The following SPOCD1 variants were observed in gnomAD, a reference collection of about 807,000 sequenced individuals.
The protein encoded by SPOCD1 is SPOC domain containing 1.
A neutral mutation model predicts 92.2 loss-of-function variants in SPOCD1; 64 were observed. The observed-to-expected ratio is 0.69, with a 90% confidence interval of 0.57 to 0.86. The LOEUF is 0.86. SPOCD1 is among the 40% of genes least tolerant of loss of function. The probability of loss-of-function intolerance (pLI) is 0.00; values close to 1 mark genes in which losing one functional copy is unlikely to be tolerated. For synonymous variants in SPOCD1, 578 were observed against 619.3 expected, an observed-to-expected ratio of 0.93 and a Z score of 0.99; for missense variants, 1,360 against 1,543.1, an observed-to-expected ratio of 0.88 and a Z score of 1.99.
intron 15 of SPOCD1, chr1:31,792,011 G>A (rs1489099653): frequency 3.2e-6 from 2 of 615,536 alleles, no homozygotes; most frequent in Non-Finnish European, 2.8e-6. Context: ...ATTCATCTAG[G>A]TAAAGCTTTT....
intron 2 of SPOCD1, among the ~76,000 whole-genome samples, chr1:31,811,245 C>T (rs903494595): frequency 3.3e-5 from 5 of 152,098 alleles, no homozygotes; most frequent in Admixed American, 1.3e-4. Flanking sequence ...GCCGACGCAG[C>T]GGATCACCTG....
At chr1:31,802,593 A>G (rs577151660) in intron 2 of SPOCD1, among the ~76,000 whole-genome samples, 3 of 152,232 alleles carry the variant, frequency 2.0e-5, no homozygotes, top group African/African-American at 4.8e-5. Flanking sequence ...CTGTTGCATA[A>G]GCCCATTTAT....
intron 6 of SPOCD1, 44 bp downstream of exon 6, chr1:31,799,765 A>G (rs1648304185): frequency 5.0e-6 from 8 of 1,607,128 alleles, no homozygotes; most frequent in Non-Finnish European, 6.0e-6. Flanking sequence ...CCCAGACCCC[A>G]GCAGTCTCTG....
In SPOCD1 at chr1:31,800,435, C is replaced by T. The variant is rs1648370597; in HGVS notation, c.1602+6G>A. ...GCAGGATTAAATGACATCACTTGTTCTGTACCTGGCACCCAGCAGGGCCCT... is the reference window on the plus strand; with the variant it reads ...GCAGGATTAAATGACATCACTTGTTTTGTACCTGGCACCCAGCAGGGCCCT... On this transcript the variant is annotated splice_donor_region_variant and intron_variant, in intron 4 of 15. Transcript: ENST00000360482. The T allele has an allele frequency of 1.3e-6, 2 of 1,566,518 alleles. No homozygotes were observed. Among genetic ancestry groups the T allele is most frequent in the Non-Finnish European group, 1.7e-6 (2 of 1,153,616 alleles).
Position 31,801,678 on chromosome 1 carries a change from T to A in SPOCD1, c.1411A>T (p.Lys471Ter). Residue 471 changes from lysine to a stop codon, truncating the protein, a stop_gained, in exon 3 of 16, where the codon AAG becomes TAG. Transcript: ENST00000360482. LOFTEE classifies it high-confidence loss of function. ...LEEVKIPHGV[K>*]LVCYLGSGPV... ...TAAAAACCTACGTAGCACACAAGCT[T>A]CACTCCATGGGGTATTTTCACTTCC... The A allele has an allele frequency of 6.2e-7, 1 of 1,613,892 alleles. No homozygotes were observed. The highest frequency in any genetic ancestry group is 2.2e-5 in the East Asian group (1 of 44,880).
In SPOCD1 at chr1:31,800,024, A is replaced by G; in HGVS notation, c.1720T>C (p.Cys574Arg). The G allele has an allele frequency of 6.2e-7, 1 of 1,612,216 alleles. No homozygotes were observed. Among genetic ancestry groups the G allele is most frequent in the South Asian group, 1.1e-5 (1 of 90,996 alleles). Reference sequence around the variant, plus strand: ...GGGGCAGAACAACTTGCCTGGGAACATGCAGGGTCCGAGCTGGGGTCGCCA... The same window carrying G: ...GGGGCAGAACAACTTGCCTGGGAACGTGCAGGGTCCGAGCTGGGGTCGCCA... The part of the protein sequence containing the change: ...ALGDPSSDPA[C>R]SQSGPMEAEE... Residue 574 changes from cysteine (C) to arginine (R), a missense_variant, in exon 5 of 16, where the codon TGT becomes CGT. By Grantham distance (180) the Cys-to-Arg change is radical (BLOSUM62 -3). This residue lies in a region of SPOCD1 where 606 missense variants were observed against 601.5 expected (regional missense o/e 1.01). Transcript: ENST00000360482.
Position 31,814,117 on chromosome 1 carries a change from C to T in SPOCD1, c.1217G>A (p.Ser406Asn). The T allele has an allele frequency of 6.2e-7, 1 of 1,609,380 alleles. No homozygotes were observed. Among genetic ancestry groups the T allele is most frequent in the Non-Finnish European group, 8.5e-7 (1 of 1,176,912 alleles). ...CATGAATGGGCCTGAGCAGGCCCTGCTGGCTTCAGTATCCAGGGAGGAGCT... is the reference window on the plus strand; with the variant it reads ...CATGAATGGGCCTGAGCAGGCCCTGTTGGCTTCAGTATCCAGGGAGGAGCT... Reference protein sequence around the residue: ...GLSSSLDTEASRACSGPFMEQ... With the variant: ...GLSSSLDTEANRACSGPFMEQ... Residue 406 changes from serine (S) to asparagine (N), a missense_variant, in exon 2 of 16, where the codon AGC (serine) becomes AAC (asparagine). Coordinates refer to ENST00000360482, the MANE Select transcript of SPOCD1 (RefSeq NM_144569.7). The surrounding 1 kb of genome is among the most constrained non-coding windows in gnomAD (Gnocchi z 4.2).
Position 31,790,983 on chromosome 1 carries a change from T to G in SPOCD1, c.3271A>C (p.Arg1091=). ...TCTGGCCAGAGCCTCCCCCTGCCTC[T>G]GGGGGGCCTCTGCCAAGCAGAGATT... ...RGISAWQRPP[R]GRGRLWPEPE... Residue 1091 remains arginine (R), a synonymous_variant, in exon 16 of 16, where the codon AGA becomes CGA. Coordinates refer to ENST00000360482, the MANE Select transcript of SPOCD1 (RefSeq NM_144569.7). 6 of 1,581,588 alleles carry G rather than the reference T, an allele frequency of 3.8e-6. No individual in the cohort carries two copies. Among genetic ancestry groups the G allele is most frequent in the Non-Finnish European group, 5.2e-6 (6 of 1,164,130 alleles).
At chr1:31,801,569 G>C in intron 3 of SPOCD1, 95 bp downstream of exon 3, 1 of 1,144,478 alleles carries the variant, frequency 8.7e-7, no homozygotes, top group Non-Finnish European at 1.3e-6. Context: ...CTGGGTGGGG[G>C]TAGGATCTCC....
In SPOCD1 at chr1:31,790,976, C is replaced by T; in HGVS notation, c.3278G>A (p.Arg1093Lys). 6.3e-7 allele frequency: 1 copy of T among 1,578,416 alleles called. No individual in the cohort carries two copies. The highest frequency in any genetic ancestry group is 1.2e-5 in the South Asian group (1 of 85,816). The change falls in exon 16 of 16, where the codon AGG (arginine) becomes AAG (lysine). Residue 1093 changes from arginine to lysine, a missense_variant. Arg to Lys is a conservative substitution (Grantham distance 26). Around this residue, in one of 3 missense-constraint regions of SPOCD1, gnomAD observed 614 missense variants for 757.8 expected, o/e 0.81. Transcript: ENST00000360482. ...ISAWQRPPRG[R>K]GRLWPEPENW... ...TTCAGGCTCTGGCCAGAGCCTCCCCCTGCCTCTGGGGGGCCTCTGCCAAGC... is the reference window on the plus strand; with the variant it reads ...TTCAGGCTCTGGCCAGAGCCTCCCCTTGCCTCTGGGGGGCCTCTGCCAAGC...
chr1:31,811,956 A>G (rs570590044), intron 2 of SPOCD1, among the ~76,000 whole-genome samples: 1 of 152,298 alleles, frequency 6.6e-6, no homozygotes, highest in Middle Eastern at 3.4e-3. Context: ...AGGAATCCCA[A>G]TTCTGGGCAT....
chr1:31,796,352 G>A lies in SPOCD1; in HGVS notation c.2271+238C>T. On this transcript the variant is annotated intron_variant, in intron 10 of 15. Coordinates refer to ENST00000360482, the MANE Select transcript of SPOCD1 (RefSeq NM_144569.7). Reference sequence around the variant, plus strand: ...TTAATACCACTCATGTGGGGGCCTTGGGGTGAGGCCAAAAGGAGGAGGACC... The same window carrying A: ...TTAATACCACTCATGTGGGGGCCTTAGGGTGAGGCCAAAAGGAGGAGGACC... 3 of 614,646 alleles carry A rather than the reference G, an allele frequency of 4.9e-6. No individual in the cohort carries two copies. In the East Asian group the frequency reaches 8.8e-5, roughly 18 times the overall value. The allele number at this position is 614,646 out of a possible 1,614,324, so 38.1% of individuals were successfully genotyped here.
At chr1:31,799,672 TGGGGA>T in intron 6 of SPOCD1, 132 bp downstream of exon 6, 1 of 1,204,030 alleles carries the variant, frequency 8.3e-7, no homozygotes, top group Non-Finnish European at 1.2e-6. Context: ...CCCACCCCTT[TGGGGA>T]GGAGCTATAG....
At position 31,798,431 on chromosome 1, in the gene SPOCD1, G is replaced by C; in HGVS notation, c.2028+11C>G. 1 of 1,602,780 alleles carries C rather than the reference G, an allele frequency of 6.2e-7. No individual in the cohort carries two copies. Among genetic ancestry groups the C allele is most frequent in the Non-Finnish European group, 8.5e-7 (1 of 1,173,682 alleles). ...GAGAGGGGACGCAGCCCAGCCCAAAGCCCTGCTCACCAGGTTCCTGGGGTC... is the reference window on the plus strand; with the variant it reads ...GAGAGGGGACGCAGCCCAGCCCAAACCCCTGCTCACCAGGTTCCTGGGGTC... On this transcript the variant is annotated intron_variant, in intron 8 of 15. Coordinates refer to ENST00000360482, the MANE Select transcript of SPOCD1 (RefSeq NM_144569.7). The surrounding 1 kb of genome is among the most constrained non-coding windows in gnomAD (Gnocchi z 4.1).
At chr1:31,806,549 T>G (rs913970768) in intron 2 of SPOCD1, among the ~76,000 whole-genome samples, 1 of 148,368 alleles carries the variant, frequency 6.7e-6, no homozygotes, top group African/African-American at 2.4e-5. Context: ...TATGAAAACT[T>G]TTTTTTTTTT....
chr1:31,803,599 G>C (rs945944825), intron 2 of SPOCD1, among the ~76,000 whole-genome samples: 2 of 151,796 alleles, frequency 1.3e-5, no homozygotes, highest in Admixed American at 1.3e-4. Context: ...AAAATAGCCA[G>C]GCATGGTGGT....
chr1:31,799,353 G>A, intron 7 of SPOCD1, 48 bp downstream of exon 7: 1 of 1,528,220 alleles, frequency 6.5e-7, no homozygotes. Context: ...GCGGGGGCAT[G>A]TGAGGGCGGC....
chr1:31,795,002 C>T (rs949218888), intron 10 of SPOCD1: 13 of 152,304 alleles, frequency 8.5e-5, no homozygotes, highest in African/African-American at 2.6e-4. Context: ...TGTTGCTATA[C>T]ATTTGGGTCA....
rs771095204 is a variant in SPOCD1, at chr1:31,796,611, T to C, written c.2250A>G (p.Thr750=). The change falls in exon 10 of 16, where the codon ACA becomes ACG. Residue 750 remains threonine, a synonymous_variant. Coordinates refer to ENST00000360482, the MANE Select transcript of SPOCD1 (RefSeq NM_144569.7). ...EVEIQRDMDQ[T]LTLEDLVGPQ... ...TAACCACCAGATCCTCCAGGGTCAG[T>C]GTCTGGTCCATGTCCCGCTGAATCT... 3 of 1,614,118 alleles carry C rather than the reference T, an allele frequency of 1.9e-6. No homozygotes were observed. The highest frequency in any genetic ancestry group is 3.3e-5 in the Admixed American group (2 of 60,012).
Sources: gnomAD v4.1 joint callset for allele counts (sites outside exome capture counted in the v4.1 genomes callset) on GRCh38, gnomAD v4.1.1 for gene constraint, gnomAD v4.1.1 regional missense constraint, Gnocchi (gnomAD v3.1) non-coding constraint, MANE v1.5 for transcripts, NCBI Gene and HGNC (gene_info 2026-07-23, HGNC 2026-07-21) for gene names.